ANKHD1: variants seen among roughly 807,000 people sequenced by gnomAD.
ANKHD1 encodes ankyrin repeat and KH domain containing 1.
Under a neutral mutation model 230.5 loss-of-function variants are expected in ANKHD1, and 31 were observed. The ratio of observed to expected loss-of-function variants is 0.13; its 90% CI spans 0.10 to 0.18. The LOEUF (loss-of-function observed/expected upper bound fraction) is 0.18. Ranked by LOEUF, ANKHD1 falls within the 10% of genes least tolerant of loss-of-function variation. ANKHD1 has a pLI of 1.00. For synonymous variants in ANKHD1, 1,074 were observed against 1,117.6 expected (o/e 0.96, Z 0.78); for missense variants, 2,256 against 3,071.3 (o/e 0.73, Z 6.27).
intron 2 of ANKHD1, among the ~76,000 whole-genome samples, chr5:140,436,636 C>T (rs1218302823): frequency 6.6e-6 from 1 of 151,794 alleles, no homozygotes; most frequent in Admixed American, 6.6e-5. Context: ...GTCCCAGCTA[C>T]TCAGGCAGCT....
intron 29 of ANKHD1, among the ~76,000 whole-genome samples, chr5:140,530,458 G>A (rs1293675811): frequency 2.0e-5 from 3 of 152,112 alleles, no homozygotes; most frequent in East Asian, 1.9e-4. Flanking sequence ...GGCAATATCC[G>A]CCTGCCTTGG....
Position 140,526,225 on chromosome 5 carries a change from T to A in ANKHD1, c.4722T>A (p.Asp1574Glu), listed in dbSNP as rs1020872324. Reference protein sequence around the residue: ...QHMSLAQQKADKNKINGEPRG... With the variant: ...QHMSLAQQKAEKNKINGEPRG... ...TGTCTTTAGCCCAACAAAAGGCAGA[T>A]AAAAATAAAATAAATGGAGAACCTA... Residue 1574 changes from aspartate to glutamate, a missense_variant, in exon 26 of 34, where the codon GAT becomes GAA. By Grantham distance (45) the Asp-to-Glu change is conservative (BLOSUM62 2). Transcript: ENST00000360839. 8 of 1,613,996 alleles carry A rather than the reference T, an allele frequency of 5.0e-6. No individual in the cohort carries two copies. Among genetic ancestry groups the A allele is most frequent in the African/African-American group, 2.7e-5 (2 of 74,924 alleles).
chr5:140,427,403 C>G (rs867802178), intron 1 of ANKHD1, among the ~76,000 whole-genome samples: 1 of 66,788 alleles, frequency 1.5e-5, no homozygotes, highest in African/African-American at 5.9e-5. Flanking sequence ...CCCCGACGGG[C>G]GGCTGGCCGG....
In ANKHD1 at chr5:140,509,639, G is replaced by A. The variant is rs140954368; in HGVS notation, c.3768G>A (p.Thr1256=). 4.5e-5 allele frequency: 70 copies of A among 1,543,800 alleles called. No homozygotes were observed. In the African/African-American group the frequency reaches 5.4e-4, roughly 12 times the overall value. Reference sequence around the variant, plus strand: ...GCATAATTTATTGGTTTAAACAGACGGGTCTTACCCCCTTGATGGAAGCAG... The same window carrying A: ...GCATAATTTATTGGTTTAAACAGACAGGTCTTACCCCCTTGATGGAAGCAG... ...RKANVEHRAK[T]GLTPLMEAAS... Residue 1256 remains threonine (T), a splice_region_variant and synonymous_variant, in exon 21 of 34, where the codon ACG becomes ACA. Coordinates refer to ENST00000360839, the MANE Select transcript of ANKHD1 (RefSeq NM_017747.3).
intron 24 of ANKHD1, among the ~76,000 whole-genome samples, chr5:140,514,633 T>C (rs1752911758): frequency 6.6e-6 from 1 of 152,172 alleles, no homozygotes; most frequent in Admixed American, 6.6e-5. Context: ...CAAAAAAATA[T>C]ATTTTGAGCC....
At position 140,401,845 on chromosome 5, in the gene ANKHD1, G is replaced by A. The variant is rs1236436192; in HGVS notation, c.-123G>A. On this transcript the variant is annotated 5_prime_UTR_variant, in exon 1 of 34. It adds an upstream start codon to the 5' untranslated region. Transcript: ENST00000360839. ...CAGCAGGTTAGGCAGTGAGAAGTTA[G>A]TGGCGCTGCTGGGACGGGGGAAAGG... The A allele has an allele frequency of 4.3e-6, 6 of 1,394,084 alleles. No individual in the cohort carries two copies. The highest frequency in any genetic ancestry group is 5.6e-6 in the Non-Finnish European group (6 of 1,077,176). 86.4% of individuals were successfully genotyped at this position (1,394,084 alleles called of 1,614,324 possible).
intron 10 of ANKHD1, among the ~76,000 whole-genome samples, chr5:140,473,998 G>T (rs1750819005): frequency 6.6e-6 from 1 of 152,170 alleles, no homozygotes; most frequent in African/African-American, 2.4e-5. Context: ...TTTACACTTT[G>T]AGACATTGGT....
intron 1 of ANKHD1, among the ~76,000 whole-genome samples, chr5:140,404,342 G>A (rs956528479): frequency 1.5e-4 from 23 of 152,070 alleles, no homozygotes; most frequent in African/African-American, 5.6e-4. Flanking sequence ...TAGAAAAAGG[G>A]GACCTTGATT....
In ANKHD1 at chr5:140,485,242, A is replaced by C; in HGVS notation, c.1992A>C (p.Arg664=). 6.2e-7 allele frequency: 1 copy of C among 1,612,066 alleles called. No homozygotes were observed. The highest frequency in any genetic ancestry group is 8.5e-7 in the Non-Finnish European group (1 of 1,178,692). Residue 664 remains arginine, a synonymous_variant, in exon 12 of 34, where the codon CGA becomes CGC. Transcript: ENST00000360839. The surrounding 1 kb of genome is among the most constrained non-coding windows in gnomAD (Gnocchi z 4.8). ...CTCATGGGGCTGACCCTACTCATCGACTCAAGGTAGTCTACTTAAAAATAA... is the reference window on the plus strand; with the variant it reads ...CTCATGGGGCTGACCCTACTCATCGCCTCAAGGTAGTCTACTTAAAAATAA... The part of the protein sequence containing the change: ...LLAHGADPTH[R]LKDGSTMLIE...
At chr5:140,452,933 A>G (rs1774865268) in intron 7 of ANKHD1, among the ~76,000 whole-genome samples, 1 of 152,212 alleles carries the variant, frequency 6.6e-6, no homozygotes, top group Non-Finnish European at 1.5e-5. Flanking sequence ...CTAAAGGAGG[A>G]AGTTCGAACC....
At chr5:140,465,302 T>C (rs1449004554) in intron 10 of ANKHD1, 5 of 152,248 alleles carry the variant, frequency 3.3e-5, no homozygotes, top group Admixed American at 2.6e-4. Flanking sequence ...GCTACTATTG[T>C]TAATCATCCT....
intron 1 of ANKHD1, among the ~76,000 whole-genome samples, chr5:140,428,135 G>A (rs1379497152): frequency 6.7e-6 from 1 of 148,626 alleles, no homozygotes; most frequent in African/African-American, 2.5e-5. Context: ...GGGCAGAGAC[G>A]CTCCTCACTT....
chr5:140,510,589 G>C (rs1034256926), intron 22 of ANKHD1, among the ~76,000 whole-genome samples: 6 of 151,930 alleles, frequency 3.9e-5, no homozygotes, highest in African/African-American at 1.5e-4. Context: ...AGGATTACAG[G>C]CTCCCGACCT....
intron 5 of ANKHD1, among the ~76,000 whole-genome samples, chr5:140,444,610 T>C (rs993689400): frequency 6.6e-6 from 1 of 152,144 alleles, no homozygotes; most frequent in Non-Finnish European, 1.5e-5. Context: ...TACTTAACTT[T>C]TGAGGCCCAG....
In ANKHD1 at chr5:140,431,650, A is replaced by G. The variant is rs80137539; in HGVS notation, c.307-4454A>G. Reference sequence around the variant, plus strand: ...AGTATTATGTCTGAATTTACACACAATGCCTGATAGAACTGGTACTTGAAC... The same window carrying G: ...AGTATTATGTCTGAATTTACACACAGTGCCTGATAGAACTGGTACTTGAAC... On this transcript the variant is annotated intron_variant, in intron 1 of 33. Coordinates refer to ENST00000360839, the MANE Select transcript of ANKHD1 (RefSeq NM_017747.3). 8.3e-3 allele frequency among the ~76,000 whole-genome samples: 1,259 copies of G among 152,304 alleles called. 12 individuals carry two copies. The highest frequency in any genetic ancestry group is 0.029 in the African/African-American group (1,193 of 41,562).
chr5:140,461,248 G>A (rs1226099509), intron 9 of ANKHD1, among the ~76,000 whole-genome samples: 2 of 152,094 alleles, frequency 1.3e-5, no homozygotes, highest in Non-Finnish European at 2.9e-5. Context: ...CAAGCTAATA[G>A]GGACAGAGTC....
chr5:140,460,097 A>C (rs1245411870), intron 9 of ANKHD1, among the ~76,000 whole-genome samples: 4 of 152,066 alleles, frequency 2.6e-5, no homozygotes, highest in African/African-American at 9.7e-5. Context: ...GAGAGGTTAT[A>C]ATTTGGTACC....
chr5:140,469,367 CG>C (rs1166813608), intron 10 of ANKHD1, among the ~76,000 whole-genome samples: 1 of 130,606 alleles, frequency 7.7e-6, no homozygotes, highest in Non-Finnish European at 1.8e-5. Context: ...AAAAATTAGC[CG>C]GGTGTGGTTG....
chr5:140,432,963 C>T (rs1773164030), intron 1 of ANKHD1, among the ~76,000 whole-genome samples: 1 of 151,806 alleles, frequency 6.6e-6, no homozygotes, highest in South Asian at 2.1e-4. Context: ...CCTGGCTTCC[C>T]AAAGTGCTGG....
Sources: allele counts gnomAD v4.1 joint callset (sites outside exome capture counted in the v4.1 genomes callset), GRCh38; gene constraint gnomAD v4.1.1; non-coding constraint Gnocchi (gnomAD v3.1); transcripts MANE v1.5; gene names NCBI Gene and HGNC (gene_info 2026-07-23, HGNC 2026-07-21).